The following VAV3 variants were observed in gnomAD, a reference collection of about 807,000 sequenced individuals.
VAV3 encodes the protein vav guanine nucleotide exchange factor 3.
A neutral mutation model predicts 131.2 loss-of-function variants in VAV3; 94 were observed. The observed-to-expected ratio is 0.72, with a 90% CI of 0.61 to 0.85. The LOEUF (loss-of-function observed/expected upper bound fraction) is 0.85. Among genes scored for constraint, VAV3 ranks in the 40% least tolerant of loss-of-function variants. VAV3 has a pLI of 0.00. For missense variants in VAV3, 939 were observed against 1,002.7 expected (o/e 0.94, Z 0.86); for synonymous variants, 349 against 342.0 (o/e 1.02, Z -0.22).
In VAV3 at chr1:107,574,112, C is replaced by G; in HGVS notation, c.2437G>C (p.Asp813His). 1.2e-6 allele frequency: 2 copies of G among 1,614,150 alleles called. No individual in the cohort carries two copies. The highest frequency in any genetic ancestry group is 1.7e-6 in the Non-Finnish European group (2 of 1,180,018). ...ATCTTTGTGTAAATCTTCACCACATCTCCTTTCAACAAGGACAACTCTCTC... is the reference window on the plus strand; with the variant it reads ...ATCTTTGTGTAAATCTTCACCACATGTCCTTTCAACAAGGACAACTCTCTC... ...DMRELSLLKG[D>H]VVKIYTKMSA... Residue 813 changes from aspartate (D) to histidine (H), a missense_variant, in exon 26 of 27, where the codon GAT (aspartate) becomes CAT (histidine). Asp to His is a moderately conservative substitution (Grantham distance 81). Coordinates refer to ENST00000370056, the MANE Select transcript of VAV3 (RefSeq NM_006113.5).
Position 107,739,786 on chromosome 1 carries a change from G to A in VAV3, c.1502+9182C>T, listed in dbSNP as rs563316268. On this transcript the variant is annotated intron_variant, in intron 15 of 26. Transcript: ENST00000370056. Reference sequence around the variant, plus strand: ...TGGACACTAAGAAAATGCCAAAGCAGGTGACAAAATGTCATCCCCACATCC... The same window carrying A: ...TGGACACTAAGAAAATGCCAAAGCAAGTGACAAAATGTCATCCCCACATCC... Among the ~76,000 whole-genome samples, 22 of 152,308 alleles carry A rather than the reference G, an allele frequency of 1.4e-4. No individual in the cohort carries two copies. The South Asian group carries it at 4.3e-3, about 30-fold the overall frequency.
intron 15 of VAV3, among the ~76,000 whole-genome samples, chr1:107,737,791 G>A (rs979462070): frequency 6.6e-6 from 1 of 152,216 alleles, no homozygotes; most frequent in African/African-American, 2.4e-5. Flanking sequence ...GTGGAAGACA[G>A]TGTGGCGATT....
At chr1:107,934,034 A>C (rs1459564189) in intron 1 of VAV3, among the ~76,000 whole-genome samples, 2 of 152,172 alleles carry the variant, frequency 1.3e-5, no homozygotes, top group Non-Finnish European at 2.9e-5. Flanking sequence ...AATGCAAAAC[A>C]GTTTCTGACA....
chr1:107,704,912 A>G, intron 16 of VAV3, 48 bp downstream of exon 16: 1 of 1,543,864 alleles, frequency 6.5e-7, no homozygotes, highest in Non-Finnish European at 8.9e-7. Flanking sequence ...AACACTTAGC[A>G]ATTATATCAG....
intron 15 of VAV3, among the ~76,000 whole-genome samples, chr1:107,730,061 A>G (rs1197567198): frequency 1.3e-5 from 2 of 152,192 alleles, no homozygotes; most frequent in Non-Finnish European, 2.9e-5. Flanking sequence ...TTGAACTCCC[A>G]AACTTCAGTG....
chr1:107,856,446 G>A (rs888958036), intron 2 of VAV3, among the ~76,000 whole-genome samples: 10 of 151,964 alleles, frequency 6.6e-5, no homozygotes, highest in Admixed American at 2.6e-4. Context: ...TGAGTAGATA[G>A]CTGAAATTTC....
intron 2 of VAV3, among the ~76,000 whole-genome samples, chr1:107,786,358 G>A (rs1666003505): frequency 1.3e-5 from 2 of 152,142 alleles, no homozygotes; most frequent in South Asian, 4.2e-4. Context: ...AGAAGTGCAG[G>A]CTCAGAAGTC....
At chr1:107,575,029 G>GTT (rs1287176660) in intron 25 of VAV3, among the ~76,000 whole-genome samples, 1 of 49,368 alleles carries the variant, frequency 2.0e-5, no homozygotes, top group Admixed American at 2.3e-4. Flanking sequence ...ACGCGCGCGT[G>GTT]TTTAATATTC....
intron 1 of VAV3, among the ~76,000 whole-genome samples, chr1:107,951,530 G>A (rs1350421983): frequency 6.6e-6 from 1 of 152,064 alleles, no homozygotes; most frequent in Non-Finnish European, 1.5e-5. Context: ...ACAGAGTAAA[G>A]AGACAACCTA....
intron 1 of VAV3, among the ~76,000 whole-genome samples, chr1:107,901,170 T>C (rs1005675542): frequency 3.3e-5 from 5 of 152,172 alleles, no homozygotes; most frequent in South Asian, 2.1e-4. Flanking sequence ...GTCCCAGGTA[T>C]TGTAGCTGAC....
intron 19 of VAV3, among the ~76,000 whole-genome samples, chr1:107,681,708 C>T (rs1008989917): frequency 6.7e-6 from 1 of 148,714 alleles, no homozygotes; most frequent in African/African-American, 2.5e-5. Context: ...GGCTGGAGTG[C>T]AGTGGCGCGA....
intron 1 of VAV3, among the ~76,000 whole-genome samples, chr1:107,944,575 C>CT (rs777262206): frequency 3.9e-5 from 6 of 152,106 alleles, no homozygotes; most frequent in Non-Finnish European, 8.8e-5. Flanking sequence ...AGAATGAACT[C>CT]TATTTCTGAA....
In VAV3 at chr1:107,609,911, TA is replaced by T. The variant is rs749749798; in HGVS notation, c.2015+19del. 6.2e-7 allele frequency: 1 copy of T among 1,610,950 alleles called. No homozygotes were observed. On this transcript the variant is annotated intron_variant, in intron 22 of 26. Transcript: ENST00000370056. ...GGTATGGTATTTCAACCTAGCTACA[TA>T]AACATTTTTAATACTTACCAGGGTT...
chr1:107,585,999 A>G (rs1261987581), intron 25 of VAV3, among the ~76,000 whole-genome samples: 1 of 152,152 alleles, frequency 6.6e-6, no homozygotes, highest in African/African-American at 2.4e-5. Flanking sequence ...GAACTAACTC[A>G]GAAGTGATGA....
intron 2 of VAV3, 49 bp from the exon 3 acceptor site, chr1:107,779,541 A>G: frequency 6.8e-7 from 1 of 1,465,218 alleles, no homozygotes; most frequent in Non-Finnish European, 9.1e-7. Context: ...AGAAAATATA[A>G]GATTTCTTTT....
At chr1:107,888,514 A>C (rs142993792) in intron 1 of VAV3, among the ~76,000 whole-genome samples, 1 of 152,110 alleles carries the variant, frequency 6.6e-6, no homozygotes, top group African/African-American at 2.4e-5. Flanking sequence ...GCTGGAGTAC[A>C]ATGGTGCAAT....
intron 15 of VAV3, among the ~76,000 whole-genome samples, chr1:107,744,240 G>A (rs1363804336): frequency 1.3e-5 from 2 of 152,138 alleles, no homozygotes; most frequent in Non-Finnish European, 2.9e-5. Context: ...TAAACATCCT[G>A]GGCTAATATT....
At chr1:107,905,334 C>T (rs908786784) in intron 1 of VAV3, among the ~76,000 whole-genome samples, 1 of 152,208 alleles carries the variant, frequency 6.6e-6, no homozygotes, top group East Asian at 1.9e-4. Context: ...CCTGTTTGCA[C>T]ATGGTTAAAG....
At chr1:107,704,479 A>G in intron 17 of VAV3, 71 bp downstream of exon 17, 1 of 1,130,960 alleles carries the variant, frequency 8.8e-7, no homozygotes, top group Non-Finnish European at 1.3e-6. Flanking sequence ...AGAGTAAATT[A>G]GGCCTTAATT....
Sources: gnomAD v4.1 joint callset for allele counts (sites outside exome capture counted in the v4.1 genomes callset) on GRCh38, gnomAD v4.1.1 for gene constraint, MANE v1.5 for transcripts, NCBI Gene and HGNC (gene_info 2026-07-23, HGNC 2026-07-21) for gene names.